Variants in SHISA9 observed in about 807,000 individuals in gnomAD.
SHISA9 encodes the protein shisa family member 9, also known as protein shisa-9.
Under a neutral mutation model 38.0 loss-of-function variants are expected in SHISA9, and 13 were observed. The ratio of observed to expected loss-of-function variants is 0.34; its 90% CI spans 0.22 to 0.54. The LOEUF (loss-of-function observed/expected upper bound fraction) is 0.54, where lower values mean the gene tolerates loss of function less well. SHISA9 is among the 20% of genes least tolerant of loss of function. The pLI is 0.91. For synonymous variants in SHISA9, 275 were observed against 242.0 expected (o/e 1.14, Z -1.27); for missense variants, 538 against 575.8 (o/e 0.93, Z 0.67).
the SHISA9 span, among the ~76,000 whole-genome samples, chr16:13,468,750 G>C: frequency 6.6e-6 from 1 of 152,224 alleles, no homozygotes; most frequent in African/African-American, 2.4e-5. Flanking sequence ...GCTGAGATGG[G>C]AGGATTGCTT....
the SHISA9 span, among the ~76,000 whole-genome samples, chr16:13,300,900 C>T: frequency 3.3e-5 from 5 of 150,830 alleles, no homozygotes; most frequent in Non-Finnish European, 7.4e-5. Flanking sequence ...TGTCTCTCCC[C>T]TCTCTTCCTC....
intron 2 of SHISA9, among the ~76,000 whole-genome samples, chr16:13,089,480 C>A (rs936364963): frequency 2.4e-4 from 36 of 152,134 alleles, no homozygotes; most frequent in African/African-American, 8.0e-4. Flanking sequence ...AATTACAGAG[C>A]CTGTTATTGG....
At chr16:13,035,858 C>G (rs1039192454) in intron 2 of SHISA9, among the ~76,000 whole-genome samples, 1 of 152,124 alleles carries the variant, frequency 6.6e-6, no homozygotes, top group African/African-American at 2.4e-5. Flanking sequence ...TTTTAACAGA[C>G]AATCCACCAA....
chr16:13,376,286 C>T, the SHISA9 span, among the ~76,000 whole-genome samples: 6 of 152,154 alleles, frequency 3.9e-5, no homozygotes, highest in East Asian at 1.2e-3. Context: ...ATAATATGTT[C>T]AGGTGATATT....
the SHISA9 span, among the ~76,000 whole-genome samples, chr16:13,464,458 T>C: frequency 1.3e-5 from 2 of 152,236 alleles, no homozygotes; most frequent in Non-Finnish European, 2.9e-5. Context: ...TGGTTCTCCC[T>C]ATCAGCCTAA....
the SHISA9 span, among the ~76,000 whole-genome samples, chr16:13,454,882 G>A: frequency 6.6e-6 from 1 of 152,148 alleles, no homozygotes; most frequent in Non-Finnish European, 1.5e-5. Context: ...ATTAGCGGAG[G>A]GAAGGGCAGT....
the SHISA9 span, among the ~76,000 whole-genome samples, chr16:13,280,025 C>T: frequency 6.6e-6 from 1 of 150,584 alleles, no homozygotes; most frequent in South Asian, 2.1e-4. Flanking sequence ...TTGTTGTATA[C>T]ATTTACTCTG....
At chr16:13,422,748 A>T in the SHISA9 span, among the ~76,000 whole-genome samples, 5 of 151,964 alleles carry the variant, frequency 3.3e-5, no homozygotes, top group Non-Finnish European at 5.9e-5. Flanking sequence ...ACCACCACCA[A>T]CAACAACAAA....
the SHISA9 span, among the ~76,000 whole-genome samples, chr16:13,500,092 G>A: frequency 1.3e-5 from 2 of 152,198 alleles, no homozygotes; most frequent in African/African-American, 4.8e-5. Context: ...AGGTATTGAA[G>A]GAGAGACCTG....
At chr16:13,363,558 A>C in the SHISA9 span, among the ~76,000 whole-genome samples, 4 of 152,174 alleles carry the variant, frequency 2.6e-5, no homozygotes, top group African/African-American at 9.7e-5. Flanking sequence ...GGACACATGA[A>C]AAACTATGTG....
chr16:13,496,517 C>T, the SHISA9 span, among the ~76,000 whole-genome samples: 2 of 151,748 alleles, frequency 1.3e-5, no homozygotes, highest in African/African-American at 4.8e-5. Context: ...GATAAGGAAA[C>T]CACTATTATT....
chr16:13,373,794 T>C, the SHISA9 span, among the ~76,000 whole-genome samples: 2 of 148,936 alleles, frequency 1.3e-5, no homozygotes, highest in Non-Finnish European at 1.5e-5. Context: ...GGAGTGACGA[T>C]AGTGCCACCC....
At chr16:13,534,198 A>G in the SHISA9 span, among the ~76,000 whole-genome samples, 2 of 149,632 alleles carry the variant, frequency 1.3e-5, no homozygotes, top group African/African-American at 4.9e-5. Context: ...TTCTATCTCC[A>G]TATGTCTCTT....
intron 2 of SHISA9, among the ~76,000 whole-genome samples, chr16:13,075,919 C>G (rs552132531): frequency 6.6e-6 from 1 of 152,172 alleles, no homozygotes; most frequent in African/African-American, 2.4e-5. Flanking sequence ...TCCTTGGCTT[C>G]TACCCATCAG....
At chr16:13,193,140 T>C (rs1183173079) in intron 2 of SHISA9, among the ~76,000 whole-genome samples, 1 of 152,102 alleles carries the variant, frequency 6.6e-6, no homozygotes, top group East Asian at 1.9e-4. Context: ...TCTTGATCCA[T>C]TCTGGGGGCA....
Position 12,925,168 on chromosome 16 carries a change from A to G in SHISA9, c.691+8353A>G, listed in dbSNP as rs144302881. On this transcript the variant is annotated intron_variant, in intron 2 of 4. Transcript: ENST00000558583. Reference sequence around the variant, plus strand: ...TTGATAACACCGTGTGTGTGTGTGCATGGGAGTGTTTGTTATTACTAATGT... The same window carrying G: ...TTGATAACACCGTGTGTGTGTGTGCGTGGGAGTGTTTGTTATTACTAATGT... Among the ~76,000 whole-genome samples, 1,448 of 150,820 alleles carry G rather than the reference A, an allele frequency of 9.6e-3. 7 individuals carry two copies. Among genetic ancestry groups the G allele is most frequent in the Middle Eastern group, 0.05 (14 of 282 alleles).
At chr16:13,183,562 G>T (rs989496446) in intron 2 of SHISA9, among the ~76,000 whole-genome samples, 1 of 152,224 alleles carries the variant, frequency 6.6e-6, no homozygotes, top group African/African-American at 2.4e-5. Flanking sequence ...CCAACTGAGA[G>T]CTTAAAGATT....
chr16:13,067,295 A>G (rs554791637), intron 2 of SHISA9, among the ~76,000 whole-genome samples: 26 of 152,332 alleles, frequency 1.7e-4, no homozygotes, highest in African/African-American at 6.0e-4. Flanking sequence ...GAAGGAACCT[A>G]GATGGGAAGT....
chr16:12,996,674 T>G (rs1475321253), intron 2 of SHISA9, among the ~76,000 whole-genome samples: 1 of 152,090 alleles, frequency 6.6e-6, no homozygotes, highest in Non-Finnish European at 1.5e-5. Context: ...GTCCTCAGGG[T>G]CTTTGGATGT....
Sources: allele counts gnomAD v4.1 joint callset (sites outside exome capture counted in the v4.1 genomes callset), GRCh38; gene constraint gnomAD v4.1.1; transcripts MANE v1.5; gene names NCBI Gene and HGNC (gene_info 2026-07-23, HGNC 2026-07-21).